HS3ST1: variants seen among roughly 807,000 people sequenced by gnomAD.
HS3ST1 encodes the protein heparan sulfate-glucosamine 3-sulfotransferase 1.
A neutral mutation model predicts 20.7 loss-of-function variants in HS3ST1; 8 were observed. The observed-to-expected ratio is 0.39, with a 90% CI of 0.23 to 0.70. The LOEUF (loss-of-function observed/expected upper bound fraction) is 0.70. HS3ST1 is among the 30% of genes least tolerant of loss of function. HS3ST1 has a pLI of 0.46. For missense variants in HS3ST1, 436 were observed against 423.4 expected, an observed-to-expected ratio of 1.03 and a Z score of -0.26; for synonymous variants, 205 against 190.4, an observed-to-expected ratio of 1.08 and a Z score of -0.63.
At chr4:11,419,958 T>A (rs1718885729) in intron 1 of HS3ST1, among the ~76,000 whole-genome samples, 1 of 152,248 alleles carries the variant, frequency 6.6e-6, no homozygotes, top group African/African-American at 2.4e-5. Flanking sequence ...GAGGTGGAGC[T>A]GAGACGTTGA....
rs755991551 is a variant in HS3ST1, at chr4:11,395,833, C to T, written c.*3249G>A. 2.0e-5 allele frequency: 3 copies of T among 152,200 alleles called. No individual in the cohort carries two copies. The highest frequency in any genetic ancestry group is 4.4e-5 in the Non-Finnish European group (3 of 68,086). The allele number at this position is 152,200 out of a possible 1,614,324, so 9.4% of individuals were successfully genotyped here. ...TCTATAAGGGGGCTAGTTGATTTCT[C>T]TCAGGAATGTTGCTGAACTGAATGC... On this transcript the variant is annotated 3_prime_UTR_variant, in exon 2 of 2. Transcript: ENST00000002596.
intron 1 of HS3ST1, among the ~76,000 whole-genome samples, chr4:11,407,753 A>C (rs1048932045): frequency 2.6e-5 from 4 of 152,244 alleles, no homozygotes; most frequent in Admixed American, 1.3e-4. Flanking sequence ...CCAAACATGC[A>C]TATGCACGCA....
intron 1 of HS3ST1, among the ~76,000 whole-genome samples, chr4:11,411,151 TA>T (rs1336436718): frequency 6.6e-6 from 1 of 152,172 alleles, no homozygotes; most frequent in African/African-American, 2.4e-5. Context: ...AGAGAGTGCT[TA>T]GTATTGCCAG....
intron 1 of HS3ST1, among the ~76,000 whole-genome samples, chr4:11,403,791 G>A (rs1201962908): frequency 1.3e-5 from 2 of 152,164 alleles, no homozygotes; most frequent in African/African-American, 2.4e-5. Context: ...AGGCCCTGGA[G>A]TCAGGATTCC....
intron 1 of HS3ST1, among the ~76,000 whole-genome samples, chr4:11,421,810 A>G (rs1450116811): frequency 6.6e-6 from 1 of 152,206 alleles, no homozygotes; most frequent in African/African-American, 2.4e-5. Context: ...CCTTGAGCCT[A>G]CTGCTCACAG....
At position 11,428,774 on chromosome 4, in the gene HS3ST1, G is replaced by T. The variant is rs1386519851; in HGVS notation, c.-184C>A. On this transcript the variant is annotated 5_prime_UTR_variant, in exon 1 of 2. Transcript: ENST00000002596. ...GCTGGGCCATGGGCAGCACTGCCGA[G>T]CACCCGCGGCGGGTAGAGCAAGTTT... 1 of 152,694 alleles carries T rather than the reference G, an allele frequency of 6.5e-6. No individual in the cohort carries two copies. Among genetic ancestry groups the T allele is most frequent in the Admixed American group, 6.5e-5 (1 of 15,290 alleles). The allele number at this position is 152,694 out of a possible 1,614,324, so 9.5% of individuals were successfully genotyped here.
chr4:11,417,788 A>T (rs1231252161), intron 1 of HS3ST1, among the ~76,000 whole-genome samples: 1 of 152,218 alleles, frequency 6.6e-6, no homozygotes, highest in African/African-American at 2.4e-5. Flanking sequence ...AGCCAGAAAG[A>T]TATCAGATTT....
chr4:11,401,698 C>A (rs989043206), intron 1 of HS3ST1, among the ~76,000 whole-genome samples: 6 of 152,308 alleles, frequency 3.9e-5, no homozygotes, highest in Middle Eastern at 3.4e-3. Context: ...TTCTATTAGT[C>A]TATTTCAAAA....
rs1252103652 is a variant in HS3ST1 at position 11,399,643 on chromosome 4, G to A, written c.363C>T (p.Pro121=). Residue 121 remains proline, a synonymous_variant, in exon 2 of 2, where the codon CCC becomes CCT. Coordinates refer to ENST00000002596, the MANE Select transcript of HS3ST1 (RefSeq NM_005114.4). This position sits in a 1 kb window ranked among gnomAD's most constrained non-coding sequence, Gnocchi z 5.1. ...WPHQLTVEKT[P]AYFTSPKVPE... ...GCACTTTGGGCGACGTGAAATACGCGGGGGTCTTCTCCACTGTGAGCTGGT... is the reference window on the plus strand; with the variant it reads ...GCACTTTGGGCGACGTGAAATACGCAGGGGTCTTCTCCACTGTGAGCTGGT... 8.7e-6 allele frequency: 14 copies of A among 1,613,894 alleles called. No individual in the cohort carries two copies. The South Asian group carries it at 8.8e-5, about 10-fold the overall frequency.
intron 1 of HS3ST1, among the ~76,000 whole-genome samples, chr4:11,414,863 C>G (rs997531962): frequency 1.2e-4 from 18 of 152,114 alleles, no homozygotes; most frequent in Admixed American, 1.0e-3. Flanking sequence ...TTCCTCACCC[C>G]CACAATGTAA....
chr4:11,424,194 A>G lies in HS3ST1; in HGVS notation c.-109+4505T>C, dbSNP rs556447703. On this transcript the variant is annotated intron_variant, in intron 1 of 1. Coordinates refer to ENST00000002596, the MANE Select transcript of HS3ST1 (RefSeq NM_005114.4). ...CAAGCTGTTACTTGCCTGGCTGCTG[A>G]AGACATTAGAGTTTGCGACCCCTGC... 2.1e-3 allele frequency among the ~76,000 whole-genome samples: 324 copies of G among 152,306 alleles called. 1 individual carries two copies. Among genetic ancestry groups the G allele is most frequent in the African/African-American group, 7.7e-3 (322 of 41,558 alleles).
intron 1 of HS3ST1, among the ~76,000 whole-genome samples, chr4:11,420,588 C>T (rs1041685321): frequency 2.0e-5 from 3 of 152,180 alleles, no homozygotes; most frequent in Non-Finnish European, 2.9e-5. Context: ...CTTAGCGGAA[C>T]GAACACTACG....
intron 1 of HS3ST1, among the ~76,000 whole-genome samples, chr4:11,419,175 C>T (rs1718861384): frequency 6.6e-6 from 1 of 152,030 alleles, no homozygotes; most frequent in Middle Eastern, 3.4e-3. Flanking sequence ...ATCCATCTTG[C>T]CTTATCTCCC....
chr4:11,404,513 A>G (rs970786722), intron 1 of HS3ST1, among the ~76,000 whole-genome samples: 18 of 152,228 alleles, frequency 1.2e-4, no homozygotes, highest in African/African-American at 2.9e-4. Flanking sequence ...CATGTTTGCA[A>G]TTCTTAATCT....
intron 1 of HS3ST1, among the ~76,000 whole-genome samples, chr4:11,419,208 C>G (rs145006349): frequency 5.0e-4 from 76 of 152,096 alleles, no homozygotes; most frequent in African/African-American, 1.8e-3. Context: ...TCTCCTTGTA[C>G]TTTTTCTGCA....
At position 11,426,671 on chromosome 4, in the gene HS3ST1, A is replaced by G. The variant is rs910718264; in HGVS notation, c.-109+2028T>C. On this transcript the variant is annotated intron_variant, in intron 1 of 1. Coordinates refer to ENST00000002596, the MANE Select transcript of HS3ST1 (RefSeq NM_005114.4). ...AAGCCTCACTAAGGAATCTTCATCTATGCTGCTGTTGTAATTAACTGCTTC... is the reference window on the plus strand; with the variant it reads ...AAGCCTCACTAAGGAATCTTCATCTGTGCTGCTGTTGTAATTAACTGCTTC... Among the ~76,000 whole-genome samples, 62 of 152,328 alleles carry G rather than the reference A, an allele frequency of 4.1e-4. 1 individual carries two copies. The highest frequency in any genetic ancestry group is 1.4e-3 in the African/African-American group (60 of 41,584).
intron 1 of HS3ST1, among the ~76,000 whole-genome samples, chr4:11,405,731 G>A (rs573045787): frequency 3.0e-4 from 46 of 152,032 alleles, no homozygotes; most frequent in African/African-American, 9.4e-4. Flanking sequence ...GTGATTGGGC[G>A]ACATCACCTG....
At position 11,399,985 on chromosome 4, in the gene HS3ST1, G is replaced by T; in HGVS notation, c.21C>A (p.Gly7=). 2.0e-6 allele frequency: 3 copies of T among 1,536,124 alleles called. No individual in the cohort carries two copies. Among genetic ancestry groups the T allele is most frequent in the South Asian group, 1.2e-5 (1 of 83,844 alleles). The change falls in exon 2 of 2, where the codon GGC becomes GGA. Residue 7 remains glycine, a synonymous_variant. Transcript: ENST00000002596. The surrounding 1 kb of genome is among the most constrained non-coding windows in gnomAD (Gnocchi z 5.1). The stretch of plus-strand genomic sequence containing the variant: ...GGGGCTGGGCCACCAGCAGCACCGC[G>T]CCCAGGAGCAGCGCGGCCATGCTGG... The part of the protein sequence containing the change: MAALLL[G]AVLLVAQPQL...
In HS3ST1 at chr4:11,399,175, G is replaced by A. The variant is rs1301625505; in HGVS notation, c.831C>T (p.Val277=). 6.2e-7 allele frequency: 1 copy of A among 1,614,038 alleles called. No homozygotes were observed. Among genetic ancestry groups the A allele is most frequent in the African/African-American group, 1.3e-5 (1 of 74,916 alleles). ...HESKGRAHPQ[V]DPKLLNKLHE... is the part of the protein sequence containing the mutation. Reference sequence around the variant, plus strand: ...GCAGTTTATTGAGTAGTTTGGGATCGACTTGGGGGTGCGCCCGGCCTTTGG... The same window carrying A: ...GCAGTTTATTGAGTAGTTTGGGATCAACTTGGGGGTGCGCCCGGCCTTTGG... Residue 277 remains valine, a synonymous_variant, in exon 2 of 2, where the codon GTC becomes GTT. Transcript: ENST00000002596. This position sits in a 1 kb window ranked among gnomAD's most constrained non-coding sequence, Gnocchi z 5.1.
Sources: gnomAD v4.1 joint callset for allele counts (sites outside exome capture counted in the v4.1 genomes callset) on GRCh38, gnomAD v4.1.1 for gene constraint, Gnocchi (gnomAD v3.1) non-coding constraint, MANE v1.5 for transcripts, NCBI Gene and HGNC (gene_info 2026-07-23, HGNC 2026-07-21) for gene names.